Variants in ANKRD10 observed in about 807,000 individuals in gnomAD.
ANKRD10 encodes ankyrin repeat domain 10.
In ANKRD10, 14 loss-of-function variants were observed where a neutral mutation model predicts 27.0. The observed-to-expected ratio is 0.52, with a 90% CI of 0.34 to 0.81. The LOEUF is 0.81. ANKRD10 is among the 40% of genes least tolerant of loss of function. The probability of loss-of-function intolerance (pLI) is 0.01; values close to 1 mark genes in which losing one functional copy is unlikely to be tolerated. For synonymous variants in ANKRD10, 250 were observed against 224.5 expected, an observed-to-expected ratio of 1.11 and a Z score of -1.01; for missense variants, 493 against 544.0, an observed-to-expected ratio of 0.91 and a Z score of 0.93.
Position 110,912,768 on chromosome 13 carries a change from A to T in ANKRD10, c.210+1957T>A, listed in dbSNP as rs533873149. On this transcript the variant is annotated intron_variant, in intron 1 of 5. Coordinates refer to ENST00000267339, the MANE Select transcript of ANKRD10 (RefSeq NM_017664.4). Reference sequence around the variant, plus strand: ...AAACCTGTGTAAGAGGGCAGCCGTTAGCAGGGCTGGGGAGAAAGCCTGGAC... The same window carrying T: ...AAACCTGTGTAAGAGGGCAGCCGTTTGCAGGGCTGGGGAGAAAGCCTGGAC... 4.6e-5 allele frequency among the ~76,000 whole-genome samples: 7 copies of T among 152,356 alleles called. 2 individuals carry two copies. The highest frequency in any genetic ancestry group is 1.7e-4 in the African/African-American group (7 of 41,598).
chr13:110,891,871 CTTTT>C (rs10553815), intron 4 of ANKRD10, among the ~76,000 whole-genome samples: 20 of 121,202 alleles, frequency 1.7e-4, no homozygotes, highest in East Asian at 4.7e-4. Context: ...CTTATTAAGA[CTTTT>C]TTTTTTTTTT....
At chr13:110,891,015 ACT>A (rs1169442508) in intron 4 of ANKRD10, among the ~76,000 whole-genome samples, 1 of 146,840 alleles carries the variant, frequency 6.8e-6, no homozygotes, top group Non-Finnish European at 1.6e-5. Flanking sequence ...GACCTTAGAA[ACT>A]CTGAGACTAG....
In ANKRD10 at chr13:110,879,384, T is replaced by G; in HGVS notation, c.*253A>C. 1 of 468,346 alleles carries G rather than the reference T, an allele frequency of 2.1e-6. No individual in the cohort carries two copies. The allele number at this position is 468,346 out of a possible 1,614,324, so 29.0% of individuals were successfully genotyped here. A position where few individuals can be genotyped will look rare whatever the true frequency, so the allele number is the denominator to read the frequency against. ...AGTATTAAAAAGACAATGTTGAGAT[T>G]GGCATCAGAAAAACTCCAAAAGTGC... On this transcript the variant is annotated 3_prime_UTR_variant, in exon 6 of 6. Transcript: ENST00000267339.
intron 4 of ANKRD10, 54 bp from the exon 5 acceptor site, chr13:110,883,847 G>T (rs537735747): frequency 3.5e-5 from 52 of 1,479,154 alleles, no homozygotes; most frequent in Non-Finnish European, 4.4e-5. Context: ...CAAGATAAGT[G>T]TTCAGACACA....
intron 3 of ANKRD10, chr13:110,894,086 T>C (rs756533398): frequency 1.3e-5 from 19 of 1,512,404 alleles, no homozygotes; most frequent in Non-Finnish European, 1.6e-5. Flanking sequence ...CTGAATAAAA[T>C]AGAGTAAGTT....
chr13:110,893,171 CA>C lies in ANKRD10; in HGVS notation c.547del (p.Cys183ValfsTer3). ...ATTGTTATAGAAATGGTTCAGATGA[CA>C]ATTCTGGAGGTTCAAGAGAAACTGG... ...CAQFLLNLQNCHLNHFYNNGI... is the reference protein window; with the variant it reads ...CAQFLLNLQNXHLNHFYNNGI... On this transcript the variant is annotated frameshift_variant, in exon 4 of 6. Coordinates refer to ENST00000267339, the MANE Select transcript of ANKRD10 (RefSeq NM_017664.4). LOFTEE classifies it high-confidence loss of function. 4 of 1,614,136 alleles carry C rather than the reference CA, an allele frequency of 2.5e-6. No homozygotes were observed. Among genetic ancestry groups the C allele is most frequent in the Non-Finnish European group, 3.4e-6 (4 of 1,180,006 alleles).
chr13:110,880,159 G>C, intron 5 of ANKRD10, 47 bp from the exon 6 acceptor site: 1 of 1,490,894 alleles, frequency 6.7e-7, no homozygotes, highest in Admixed American at 1.9e-5. Context: ...ACCAATGAGG[G>C]AGGAGAAACT....
intron 1 of ANKRD10, among the ~76,000 whole-genome samples, chr13:110,912,354 C>A (rs1337967152): frequency 4.6e-5 from 7 of 152,196 alleles, no homozygotes; most frequent in Admixed American, 1.3e-4. Flanking sequence ...ATGAAGAGTA[C>A]ACAGATTCAA....
At chr13:110,897,982 A>C (rs2065274381) in intron 3 of ANKRD10, among the ~76,000 whole-genome samples, 1 of 152,220 alleles carries the variant, frequency 6.6e-6, no homozygotes, top group African/African-American at 2.4e-5. Context: ...ATTTTCTGAA[A>C]AACATCTATT....
At chr13:110,898,507 A>G (rs1385270696) in intron 3 of ANKRD10, among the ~76,000 whole-genome samples, 2 of 152,342 alleles carry the variant, frequency 1.3e-5, no homozygotes, top group East Asian at 1.9e-4. Flanking sequence ...TAGTACTTAC[A>G]GTACTTTGTT....
At chr13:110,892,871 A>G in intron 4 of ANKRD10, 157 bp downstream of exon 4, 1 of 1,430,158 alleles carries the variant, frequency 7.0e-7, no homozygotes, top group Non-Finnish European at 9.1e-7. Flanking sequence ...TCGCAGTGGC[A>G]GTACAGGAGA....
chr13:110,906,782 T>C (rs1486550381), intron 2 of ANKRD10, among the ~76,000 whole-genome samples: 3 of 152,142 alleles, frequency 2.0e-5, no homozygotes, highest in Non-Finnish European at 4.4e-5. Flanking sequence ...CAAACCAAGC[T>C]TCATAAGAAT....
At chr13:110,914,302 C>T (rs979683169) in intron 1 of ANKRD10, among the ~76,000 whole-genome samples, 1 of 152,320 alleles carries the variant, frequency 6.6e-6, no homozygotes, top group East Asian at 1.9e-4. Context: ...GCCGCCTGGG[C>T]GACTTCGCGG....
intron 1 of ANKRD10, among the ~76,000 whole-genome samples, chr13:110,912,702 A>C (rs2065753948): frequency 6.6e-6 from 1 of 152,224 alleles, no homozygotes; most frequent in Admixed American, 6.5e-5. Flanking sequence ...CGGTTAGGGG[A>C]TCTTGTGCAC....
At chr13:110,891,499 A>G (rs141051479) in intron 4 of ANKRD10, among the ~76,000 whole-genome samples, 8 of 152,372 alleles carry the variant, frequency 5.3e-5, no homozygotes, top group Admixed American at 5.2e-4. Flanking sequence ...ACATTACTAT[A>G]AAAAGTCTTA....
Position 110,879,228 on chromosome 13 carries a change from G to T in ANKRD10, c.*409C>A, listed in dbSNP as rs1001524885. 3 of 200,242 alleles carry T rather than the reference G, an allele frequency of 1.5e-5. No individual in the cohort carries two copies. The highest frequency in any genetic ancestry group is 2.0e-4 in the South Asian group (2 of 9,856). 12.4% of individuals were successfully genotyped at this position (200,242 alleles called of 1,614,324 possible). On this transcript the variant is annotated 3_prime_UTR_variant, in exon 6 of 6. Coordinates refer to ENST00000267339, the MANE Select transcript of ANKRD10 (RefSeq NM_017664.4). ...GTGTTCCGTCAAATTCTACAGAAAAGAGTGGAAGCAAGCTTTTTAAAATGA... is the reference window on the plus strand; with the variant it reads ...GTGTTCCGTCAAATTCTACAGAAAATAGTGGAAGCAAGCTTTTTAAAATGA...
At chr13:110,899,893 C>A (rs761774829) in intron 3 of ANKRD10, among the ~76,000 whole-genome samples, 1 of 151,988 alleles carries the variant, frequency 6.6e-6, no homozygotes, top group Non-Finnish European at 1.5e-5. Flanking sequence ...GCTATATTTT[C>A]TTATTCTGAA....
chr13:110,899,420 G>T (rs1566476044), intron 3 of ANKRD10, among the ~76,000 whole-genome samples: 1 of 152,178 alleles, frequency 6.6e-6, no homozygotes, highest in Non-Finnish European at 1.5e-5. Flanking sequence ...TCTGAAAATA[G>T]GACTGTGTTG....
At chr13:110,914,454 A>C (rs900457675) in intron 1 of ANKRD10, 23 of 292,408 alleles carry the variant, frequency 7.9e-5, no homozygotes, top group Non-Finnish European at 1.3e-4. Context: ...GAAACTTGCT[A>C]CGCGCGCCGC....
Sources: gnomAD v4.1 joint callset for allele counts (sites outside exome capture counted in the v4.1 genomes callset) on GRCh38, gnomAD v4.1.1 for gene constraint, MANE v1.5 for transcripts, NCBI Gene and HGNC (gene_info 2026-07-23, HGNC 2026-07-21) for gene names.